Variants in ENOX1 observed in about 807,000 individuals in gnomAD.
ENOX1 encodes the protein candidate growth-related and time keeping constitutive hydroquinone (NADH) oxidase.
Under a neutral mutation model 82.5 loss-of-function variants are expected in ENOX1, and 42 were observed. The ratio of observed to expected loss-of-function variants is 0.51; its 90% CI spans 0.40 to 0.66. The LOEUF is 0.66. Among genes scored for constraint, ENOX1 ranks in the 30% least tolerant of loss-of-function variants. The pLI is 0.00. For missense variants in ENOX1, 608 were observed against 811.6 expected, an observed-to-expected ratio of 0.75 and a Z score of 3.05; for synonymous variants, 271 against 282.2, an observed-to-expected ratio of 0.96 and a Z score of 0.40.
At chr13:43,548,476 T>C (rs566553723) in intron 2 of ENOX1, among the ~76,000 whole-genome samples, 1 of 152,240 alleles carries the variant, frequency 6.6e-6, no homozygotes, top group Non-Finnish European at 1.5e-5. Context: ...GCCCTCTGCA[T>C]TGGCTTCATT....
At chr13:43,778,531 T>C (rs1952058868) in intron 1 of ENOX1, among the ~76,000 whole-genome samples, 1 of 152,094 alleles carries the variant, frequency 6.6e-6, no homozygotes, top group Admixed American at 6.6e-5. Flanking sequence ...CAGAAACTGA[T>C]GGTGGATGAA....
intron 12 of ENOX1, among the ~76,000 whole-genome samples, chr13:43,276,611 C>T (rs2045048899): frequency 6.6e-6 from 1 of 152,234 alleles, no homozygotes; most frequent in South Asian, 2.1e-4. Flanking sequence ...ATGAGGTCTA[C>T]CTATGCTTGT....
chr13:43,267,939 C>T (rs999597938), intron 13 of ENOX1, among the ~76,000 whole-genome samples: 8 of 152,174 alleles, frequency 5.3e-5, no homozygotes, highest in Non-Finnish European at 1.2e-4. Context: ...TTCGAATCTT[C>T]TTCACGTTCT....
At chr13:43,412,800 T>C in intron 4 of ENOX1, 45 bp downstream of exon 4, 1 of 1,609,080 alleles carries the variant, frequency 6.2e-7, no homozygotes, top group Non-Finnish European at 8.5e-7. Flanking sequence ...CACTAAGAAC[T>C]CAAAAAATCC....
intron 3 of ENOX1, among the ~76,000 whole-genome samples, chr13:43,444,905 G>C (rs2056544705): frequency 6.6e-6 from 1 of 152,156 alleles, no homozygotes; most frequent in Non-Finnish European, 1.5e-5. Context: ...CACGAGGCAG[G>C]GGGCAGAAGC....
intron 1 of ENOX1, among the ~76,000 whole-genome samples, chr13:43,712,871 G>T (rs2087827265): frequency 2.6e-5 from 4 of 151,608 alleles, no homozygotes; most frequent in Admixed American, 1.3e-4. Flanking sequence ...GGGACAATTT[G>T]ACTTCCTCTT....
intron 5 of ENOX1, among the ~76,000 whole-genome samples, 170 bp downstream of exon 5, chr13:43,411,746 G>T (rs2054139536): frequency 6.6e-6 from 1 of 152,206 alleles, no homozygotes; most frequent in African/African-American, 2.4e-5. Context: ...CTATTAGGCA[G>T]AAGAGAAAGG....
intron 1 of ENOX1, among the ~76,000 whole-genome samples, chr13:43,714,902 C>A (rs570849921): frequency 6.6e-6 from 1 of 152,208 alleles, no homozygotes; most frequent in South Asian, 2.1e-4. Flanking sequence ...AGCATTTAGC[C>A]CATTTACATT....
At chr13:43,627,465 A>AC (rs2083015914) in intron 2 of ENOX1, among the ~76,000 whole-genome samples, 1 of 152,006 alleles carries the variant, frequency 6.6e-6, no homozygotes, top group Admixed American at 6.6e-5. Flanking sequence ...TATAATTCAG[A>AC]CAGTCTATTA....
chr13:43,373,024 G>C (rs1315514861), intron 5 of ENOX1, among the ~76,000 whole-genome samples: 14 of 152,046 alleles, frequency 9.2e-5, no homozygotes, highest in Non-Finnish European at 1.8e-4. Context: ...TATGTACAAG[G>C]CTTCAAAGAC....
In ENOX1 at chr13:43,472,753, T is replaced by C. The variant is rs184362913; in HGVS notation, c.-75+11256A>G. Among the ~76,000 whole-genome samples the C allele has an allele frequency of 3.2e-3, 495 of 152,346 alleles. 19 individuals carry two copies. The highest frequency in any genetic ancestry group is 0.029 in the Admixed American group (438 of 15,298). Reference sequence around the variant, plus strand: ...TAAACATTTAAATTGTAGCCTAATATGAGCCAAGTTCTATGAAGGTCTTCC... The same window carrying C: ...TAAACATTTAAATTGTAGCCTAATACGAGCCAAGTTCTATGAAGGTCTTCC... On this transcript the variant is annotated intron_variant, in intron 3 of 16. Coordinates refer to ENST00000690772, the MANE Select transcript of ENOX1 (RefSeq NM_001347969.2).
intron 1 of ENOX1, among the ~76,000 whole-genome samples, chr13:43,745,539 T>C (rs1465929180): frequency 6.6e-6 from 1 of 152,190 alleles, no homozygotes; most frequent in East Asian, 1.9e-4. Flanking sequence ...AATTAGAGTA[T>C]ATGTGAATAT....
chr13:43,334,854 G>A (rs547840263), intron 9 of ENOX1, among the ~76,000 whole-genome samples: 1 of 152,176 alleles, frequency 6.6e-6, no homozygotes, highest in African/African-American at 2.4e-5. Flanking sequence ...CATTGAATAA[G>A]CCTCAGCAGG....
chr13:43,757,520 T>C (rs1163186153), intron 1 of ENOX1, among the ~76,000 whole-genome samples: 2 of 152,036 alleles, frequency 1.3e-5, no homozygotes, highest in Non-Finnish European at 1.5e-5. Context: ...GAGGACACCC[T>C]CAACCAGCCG....
At chr13:43,731,854 A>G (rs142036082) in intron 1 of ENOX1, among the ~76,000 whole-genome samples, 332 of 152,354 alleles carry the variant, frequency 2.2e-3, no homozygotes, top group African/African-American at 7.6e-3. Flanking sequence ...ATGATAATAA[A>G]CATTTCTGCC....
intron 3 of ENOX1, among the ~76,000 whole-genome samples, chr13:43,480,829 A>C (rs1478012783): frequency 6.6e-6 from 1 of 152,214 alleles, no homozygotes; most frequent in Non-Finnish European, 1.5e-5. Context: ...CAGACCCATA[A>C]CTAGTAAGGA....
At chr13:43,227,807 T>C (rs981777927) in intron 15 of ENOX1, among the ~76,000 whole-genome samples, 2 of 152,140 alleles carry the variant, frequency 1.3e-5, no homozygotes, top group African/African-American at 4.8e-5. Context: ...TAGATATATG[T>C]AGGGCCAAGG....
chr13:43,713,664 T>G (rs2087896640), intron 1 of ENOX1, among the ~76,000 whole-genome samples: 16 of 152,312 alleles, frequency 1.1e-4, no homozygotes, highest in Admixed American at 9.8e-4. Context: ...GTCGAGTAAT[T>G]TATCCATTTC....
chr13:43,539,405 C>G (rs1351916001), intron 2 of ENOX1, among the ~76,000 whole-genome samples: 2 of 152,086 alleles, frequency 1.3e-5, no homozygotes, highest in Non-Finnish European at 2.9e-5. Context: ...TTTCTAATTT[C>G]CACTGTGATT....
Sources: allele counts gnomAD v4.1 joint callset (sites outside exome capture counted in the v4.1 genomes callset), GRCh38; gene constraint gnomAD v4.1.1; transcripts MANE v1.5; gene names NCBI Gene and HGNC (gene_info 2026-07-23, HGNC 2026-07-21).